The following RPS6KA6 variants were observed in gnomAD, a reference collection of about 807,000 sequenced individuals.
RPS6KA6 encodes the protein ribosomal protein S6 kinase alpha-6.
RPS6KA6 carries 27 observed loss-of-function variants against 65.4 expected under a neutral mutation model. The observed-to-expected ratio is 0.41, with a 90% CI of 0.30 to 0.57. The LOEUF (loss-of-function observed/expected upper bound fraction) is 0.57, where lower values mean the gene tolerates loss of function less well. Among genes scored for constraint, RPS6KA6 ranks in the 20% least tolerant of loss-of-function variants. The pLI, the probability that RPS6KA6 is intolerant of heterozygous loss-of-function variation, is 0.24. For missense variants in RPS6KA6, 486 were observed against 555.6 expected, an observed-to-expected ratio of 0.87 and a Z score of 1.26; for synonymous variants, 190 against 184.2, an observed-to-expected ratio of 1.03 and a Z score of -0.26.
chrX:84,106,856 A>G (rs1242702326), intron 14 of RPS6KA6, 54 bp downstream of exon 14: 8 of 974,389 alleles, frequency 8.2e-6, no homozygotes, highest in African/African-American at 5.9e-5. Context: ...TACATCAGCA[A>G]TAACAGAGAA....
rs892546130 is a variant in RPS6KA6, at chrX:84,144,655, A to T, written c.501+823T>A. On this transcript the variant is annotated intron_variant, in intron 6 of 21. Transcript: ENST00000262752. ...AAGTTAAACATATACCTAGCACATG[A>T]CCCAGTCATTATACTCTTAGGTATT... is the stretch of plus-strand genomic sequence containing the variant. Among the ~76,000 whole-genome samples, 3 of 110,982 alleles carry T rather than the reference A, an allele frequency of 2.7e-5. No individual in the cohort carries two copies. In the Admixed American group the frequency reaches 2.9e-4, roughly 11 times the overall value.
intron 18 of RPS6KA6, among the ~76,000 whole-genome samples, chrX:84,098,141 C>T (rs1195602727): frequency 2.7e-5 from 3 of 110,788 alleles, no homozygotes; most frequent in Non-Finnish European, 5.7e-5. Flanking sequence ...GTGAGGTAGA[C>T]AATATTCCAA....
chrX:84,164,201 A>C, intron 2 of RPS6KA6, 127 bp downstream of exon 2: 1 of 516,245 alleles, frequency 1.9e-6, no homozygotes, highest in Non-Finnish European at 3.3e-6. Context: ...TGAGTTATTA[A>C]TAATTCCATT....
At chrX:84,083,714 T>C (rs2033855449) in intron 20 of RPS6KA6, among the ~76,000 whole-genome samples, 1 of 112,240 alleles carries the variant, frequency 8.9e-6, no homozygotes, top group Non-Finnish European at 1.9e-5. Context: ...GAGAATTATT[T>C]ACATTCCCTT....
intron 1 of RPS6KA6, among the ~76,000 whole-genome samples, chrX:84,175,027 G>A (rs2035743242): frequency 1.8e-5 from 2 of 111,691 alleles, no homozygotes; most frequent in South Asian, 7.4e-4. Flanking sequence ...ATAATTTCAT[G>A]ACGAAGTTAC....
chrX:84,105,443 C>A (rs1013796875), intron 16 of RPS6KA6, among the ~76,000 whole-genome samples: 13 of 111,045 alleles, frequency 1.2e-4, no homozygotes, highest in South Asian at 3.8e-4. Flanking sequence ...GTAAAATATT[C>A]AAGAATTTGG....
At chrX:84,106,744 G>A (rs1296057698) in intron 14 of RPS6KA6, among the ~76,000 whole-genome samples, 166 bp downstream of exon 14, 1 of 111,216 alleles carries the variant, frequency 9.0e-6, no homozygotes, top group African/African-American at 3.3e-5. Context: ...AGTTACCACT[G>A]TCTGCTCTTT....
At chrX:84,155,191 G>C (rs1176238721) in intron 3 of RPS6KA6, among the ~76,000 whole-genome samples, 1 of 110,844 alleles carries the variant, frequency 9.0e-6, no homozygotes, top group East Asian at 2.8e-4. Context: ...GACAGAGCAA[G>C]ACCCCATTTC....
At position 84,064,230 on chromosome X, in the gene RPS6KA6, C is replaced by T. The variant is rs1235286193; in HGVS notation, c.*47G>A. ...TGATAAGAATAGGAAAAAAGCCACA[C>T]ATTTAATTTCATCTTCATCCAGTTT... is the stretch of plus-strand genomic sequence containing the variant. On this transcript the variant is annotated 3_prime_UTR_variant, in exon 22 of 22. Transcript: ENST00000262752. 1 of 1,180,507 alleles carries T rather than the reference C, an allele frequency of 8.5e-7. No homozygotes were observed. Among genetic ancestry groups the T allele is most frequent in the African/African-American group, 1.8e-5 (1 of 56,822 alleles).
In RPS6KA6 at chrX:84,187,711, G is replaced by A. The variant is rs780556405; in HGVS notation, c.81+108C>T. 9.6e-5 allele frequency: 73 copies of A among 760,442 alleles called. No homozygotes were observed. In the African/African-American group the frequency reaches 1.5e-3, roughly 15 times the overall value. 62.7% of individuals were successfully genotyped at this position (760,442 alleles called of 1,213,427 possible). A position where few individuals can be genotyped will look rare whatever the true frequency, so the allele number is the denominator to read the frequency against. On this transcript the variant is annotated intron_variant, in intron 1 of 21. Coordinates refer to ENST00000262752, the MANE Select transcript of RPS6KA6 (RefSeq NM_014496.5). ...GAGGCAGCATCAAGGGGGCTTGCCC[G>A]GGAGCCCGCTTCCCGGCCCTACGCC...
intron 4 of RPS6KA6, among the ~76,000 whole-genome samples, chrX:84,147,464 A>G (rs1180079664): frequency 1.8e-5 from 2 of 110,654 alleles, no homozygotes; most frequent in South Asian, 7.7e-4. Context: ...ATGCCACTAC[A>G]CCTGGCTCAT....
chrX:84,062,898 T>C lies in RPS6KA6; in HGVS notation c.*1379A>G, dbSNP rs1346844883. On this transcript the variant is annotated 3_prime_UTR_variant, in exon 22 of 22. Coordinates refer to ENST00000262752, the MANE Select transcript of RPS6KA6 (RefSeq NM_014496.5). The stretch of plus-strand genomic sequence containing the variant: ...AAACTGTGATATCCTCCAGTTTACA[T>C]TCATGAATTCTTTCTGTCAGTAGTA... The C allele has an allele frequency of 9.1e-6, 1 of 109,781 alleles. No homozygotes were observed. The highest frequency in any genetic ancestry group is 3.3e-5 in the African/African-American group (1 of 30,309). The allele number at this position is 109,781 out of a possible 1,213,427, so 9.0% of individuals were successfully genotyped here. A position where few individuals can be genotyped will look rare whatever the true frequency, so the allele number is the denominator to read the frequency against.
chrX:84,079,320 C>T (rs1381781808), intron 20 of RPS6KA6, among the ~76,000 whole-genome samples: 1 of 111,697 alleles, frequency 9.0e-6, no homozygotes, highest in Non-Finnish European at 1.9e-5. Flanking sequence ...TTGCAACCCA[C>T]AGACCAGGAG....
chrX:84,117,477 AC>A, intron 9 of RPS6KA6, 23 bp from the exon 10 acceptor site: 2 of 1,020,878 alleles, frequency 2.0e-6, no homozygotes, highest in Non-Finnish European at 2.7e-6. Flanking sequence ...AACAAAACAC[AC>A]CACACAATTA....
At chrX:84,160,002 C>T (rs762566656) in intron 2 of RPS6KA6, among the ~76,000 whole-genome samples, 96 of 111,184 alleles carry the variant, frequency 8.6e-4, no homozygotes, top group Middle Eastern at 4.7e-3. Flanking sequence ...TAAATTTCTG[C>T]TGTTTAAGCC....
intron 1 of RPS6KA6, chrX:84,187,490 G>C: frequency 2.0e-5 from 4 of 201,950 alleles, no homozygotes; most frequent in Non-Finnish European, 2.7e-5. Flanking sequence ...GGGACGCGCG[G>C]AGTCAGGCAC....
At chrX:84,169,573 T>G (rs2035648234) in intron 1 of RPS6KA6, among the ~76,000 whole-genome samples, 1 of 111,867 alleles carries the variant, frequency 8.9e-6, no homozygotes, top group Admixed American at 9.5e-5. Context: ...AAGGAGGAAG[T>G]TAACAGAGCT....
intron 12 of RPS6KA6, among the ~76,000 whole-genome samples, chrX:84,110,236 A>G (rs2034444933): frequency 8.9e-6 from 1 of 111,763 alleles, no homozygotes; most frequent in African/African-American, 3.3e-5. Context: ...ACATATTGCT[A>G]CCTGTCTAGG....
chrX:84,078,321 TG>T (rs2033704779), intron 20 of RPS6KA6, among the ~76,000 whole-genome samples: 1 of 112,079 alleles, frequency 8.9e-6, no homozygotes, highest in South Asian at 3.7e-4. Context: ...GCCAAAGATG[TG>T]GAAGAACTAA....
Sources: allele counts gnomAD v4.1 joint callset (sites outside exome capture counted in the v4.1 genomes callset), GRCh38; gene constraint gnomAD v4.1.1; transcripts MANE v1.5; gene names NCBI Gene and HGNC (gene_info 2026-07-23, HGNC 2026-07-21).